SUCLG2: variants seen among roughly 807,000 people sequenced by gnomAD.
The protein encoded by SUCLG2 is succinate--CoA ligase [GDP-forming] subunit beta, mitochondrial.
In SUCLG2, 42 loss-of-function variants were observed where a neutral mutation model predicts 47.9. That is an observed-to-expected ratio of 0.88 (90% CI 0.69 to 1.14). The LOEUF is 1.14. SUCLG2 is among the 50% of genes most tolerant of loss of function. The pLI, the probability that SUCLG2 is intolerant of heterozygous loss-of-function variation, is 0.00. For synonymous variants in SUCLG2, 195 were observed against 197.3 expected (o/e 0.99, Z 0.10); for missense variants, 571 against 525.9 (o/e 1.09, Z -0.84).
At chr3:67,635,355 C>T (rs1279963288) in intron 1 of SUCLG2, among the ~76,000 whole-genome samples, 3 of 152,188 alleles carry the variant, frequency 2.0e-5, no homozygotes, top group Non-Finnish European at 4.4e-5. Flanking sequence ...GAAACTGAGA[C>T]AGGCAACTGA....
At chr3:67,632,555 A>G (rs774495326) in intron 1 of SUCLG2, among the ~76,000 whole-genome samples, 2 of 152,184 alleles carry the variant, frequency 1.3e-5, no homozygotes, top group Non-Finnish European at 2.9e-5. Flanking sequence ...GCTCAAGCAT[A>G]CAGTGATGTG....
At chr3:67,360,581 A>G in exon 11 of SUCLG2, 1 of 1,448,348 alleles carries the variant, frequency 6.9e-7, no homozygotes, top group Non-Finnish European at 9.1e-7. Context: ...GATGATATTC[A>G]TTAATTTGGA....
chr3:67,562,284 G>GTT (rs375731239), intron 2 of SUCLG2, among the ~76,000 whole-genome samples: 1 of 145,270 alleles, frequency 6.9e-6, no homozygotes, highest in Non-Finnish European at 1.5e-5. Context: ...TTTTTTGTTT[G>GTT]TTTTTTTTTT....
At chr3:67,554,947 G>A (rs1190513866) in intron 2 of SUCLG2, among the ~76,000 whole-genome samples, 1 of 152,170 alleles carries the variant, frequency 6.6e-6, no homozygotes, top group African/African-American at 2.4e-5. Flanking sequence ...CATGCATACT[G>A]GAGATCAAGT....
Position 67,555,011 on chromosome 3 carries a change from A to G in SUCLG2, c.227-25825T>C, listed in dbSNP as rs775995776. On this transcript the variant is annotated intron_variant, in intron 2 of 10. Coordinates refer to ENST00000307227, the MANE Select transcript of SUCLG2 (RefSeq NM_003848.4). ...TTCCTCACAAAGACACGGTAGTAGC[A>G]TATCTGACAGCACCCCAAAACTGAA... Among the ~76,000 whole-genome samples, 8 of 152,178 alleles carry G rather than the reference A, an allele frequency of 5.3e-5. No individual in the cohort carries two copies. In the East Asian group the frequency reaches 5.8e-4, roughly 11 times the overall value.
At chr3:67,531,401 G>A (rs1172472539) in intron 2 of SUCLG2, among the ~76,000 whole-genome samples, 1 of 152,200 alleles carries the variant, frequency 6.6e-6, no homozygotes, top group South Asian at 2.1e-4. Context: ...TTGAAAGCCA[G>A]AGAGAATACC....
intron 2 of SUCLG2, among the ~76,000 whole-genome samples, chr3:67,541,303 A>G (rs1706701531): frequency 6.6e-6 from 1 of 152,210 alleles, no homozygotes; most frequent in African/African-American, 2.4e-5. Context: ...GAAGCTAAGA[A>G]CCTTGAGAAA....
chr3:67,544,997 T>C (rs1056175050), intron 2 of SUCLG2, among the ~76,000 whole-genome samples: 1 of 152,182 alleles, frequency 6.6e-6, no homozygotes, highest in Non-Finnish European at 1.5e-5. Flanking sequence ...CTAATAATTT[T>C]ATCATGCCAG....
intron 6 of SUCLG2, among the ~76,000 whole-genome samples, chr3:67,515,527 G>T (rs906641090): frequency 1.3e-4 from 20 of 152,082 alleles, no homozygotes; most frequent in Non-Finnish European, 1.5e-5. Context: ...TCACAGGAAA[G>T]ATATTAATAA....
At chr3:67,408,584 A>G in intron 9 of SUCLG2, 1 of 982,382 alleles carries the variant, frequency 1.0e-6, no homozygotes, top group African/African-American at 1.7e-5. Context: ...TGACCTCTGA[A>G]AGCAGTCAGG....
chr3:67,610,522 A>C (rs1044983422), intron 1 of SUCLG2, among the ~76,000 whole-genome samples: 1 of 152,034 alleles, frequency 6.6e-6, no homozygotes, highest in African/African-American at 2.4e-5. Flanking sequence ...AAAAAAAAAA[A>C]CCAGGAAAAA....
chr3:67,635,575 T>C (rs1376030), intron 1 of SUCLG2, among the ~76,000 whole-genome samples: 44,236 of 151,986 alleles, frequency 0.29, 6,981 homozygotes, highest in Non-Finnish European at 0.36. Context: ...GTTCATGAAA[T>C]ACCTTCTGAT....
chr3:67,620,128 G>T (rs998895470), intron 1 of SUCLG2, among the ~76,000 whole-genome samples: 1 of 152,174 alleles, frequency 6.6e-6, no homozygotes, highest in African/African-American at 2.4e-5. Context: ...CCATAATGTG[G>T]TCACTGTGTT....
intron 10 of SUCLG2, among the ~76,000 whole-genome samples, chr3:67,394,852 A>G (rs1188039323): frequency 6.6e-6 from 1 of 152,072 alleles, no homozygotes; most frequent in East Asian, 1.9e-4. Context: ...GCCAGAAGAG[A>G]GTGGGGGCCA....
chr3:67,474,259 C>CA (rs577118114), intron 9 of SUCLG2, among the ~76,000 whole-genome samples: 1,494 of 139,106 alleles, frequency 0.011, 6 homozygotes, highest in Middle Eastern at 0.018. Flanking sequence ...GACTCCATCT[C>CA]AAAAAAAAAA....
intron 10 of SUCLG2, among the ~76,000 whole-genome samples, chr3:67,369,161 T>C (rs1701918053): frequency 6.6e-6 from 1 of 152,192 alleles, no homozygotes. Flanking sequence ...TTTCTGTTTT[T>C]ATGTCAGTAT....
intron 1 of SUCLG2, among the ~76,000 whole-genome samples, chr3:67,644,354 T>C (rs1407707301): frequency 6.6e-6 from 1 of 152,180 alleles, no homozygotes; most frequent in South Asian, 2.1e-4. Context: ...TTGAAGACAT[T>C]ATGCTAAATG....
chr3:67,429,147 T>G (rs1008331777), intron 9 of SUCLG2, among the ~76,000 whole-genome samples: 2 of 152,044 alleles, frequency 1.3e-5, no homozygotes, highest in African/African-American at 4.8e-5. Context: ...GACACATAAT[T>G]ATCAGATTCA....
At chr3:67,622,539 C>G (rs17046748) in intron 1 of SUCLG2, among the ~76,000 whole-genome samples, 1 of 152,070 alleles carries the variant, frequency 6.6e-6, no homozygotes, top group Non-Finnish European at 1.5e-5. Flanking sequence ...ACATTGGACC[C>G]ACAGATGACT....
Sources: allele counts gnomAD v4.1 joint callset (sites outside exome capture counted in the v4.1 genomes callset), GRCh38; gene constraint gnomAD v4.1.1; transcripts MANE v1.5; gene names NCBI Gene and HGNC (gene_info 2026-07-23, HGNC 2026-07-21).